The following CFAP221 variants were observed in gnomAD, a reference collection of about 807,000 sequenced individuals.
The protein encoded by CFAP221 is cilia- and flagella-associated protein 221.
In CFAP221, 97 loss-of-function variants were observed where a neutral mutation model predicts 113.1. The ratio of observed to expected loss-of-function variants is 0.86; its 90% CI spans 0.73 to 1.02. The LOEUF (loss-of-function observed/expected upper bound fraction) is 1.02. Ranked by LOEUF, CFAP221 falls within the 50% of genes least tolerant of loss-of-function variation. The pLI is 0.00. For synonymous variants in CFAP221, 331 were observed against 354.4 expected (o/e 0.93, Z 0.74); for missense variants, 1,025 against 1,013.4 (o/e 1.01, Z -0.16).
intron 6 of CFAP221, among the ~76,000 whole-genome samples, chr2:119,565,940 G>A (rs1045552561): frequency 9.2e-5 from 14 of 152,166 alleles, no homozygotes; most frequent in African/African-American, 2.7e-4. Flanking sequence ...TCATTCAGTC[G>A]GTTAACAAAC....
At chr2:119,607,041 C>A (rs899656205) in intron 11 of CFAP221, among the ~76,000 whole-genome samples, 5 of 152,178 alleles carry the variant, frequency 3.3e-5, no homozygotes, top group African/African-American at 1.2e-4. Flanking sequence ...ATAATCACTT[C>A]CAAGAGATTT....
At chr2:119,570,677 A>G (rs758625025) in intron 6 of CFAP221, among the ~76,000 whole-genome samples, 52 of 152,250 alleles carry the variant, frequency 3.4e-4, no homozygotes, top group Non-Finnish European at 5.9e-4. Flanking sequence ...TTCAAAGGCC[A>G]TCAACTTGTA....
At chr2:119,547,443 C>T (rs1163782247) in intron 2 of CFAP221, among the ~76,000 whole-genome samples, 2 of 152,060 alleles carry the variant, frequency 1.3e-5, no homozygotes, top group African/African-American at 4.8e-5. Flanking sequence ...CCTGTAATCT[C>T]AGCTACTTGG....
chr2:119,605,217 A>G lies in CFAP221; in HGVS notation c.1061A>G (p.Gln354Arg), dbSNP rs376003657. The G allele has an allele frequency of 8.3e-5, 134 of 1,614,118 alleles. No homozygotes were observed. The highest frequency in any genetic ancestry group is 1.1e-4 in the Non-Finnish European group (132 of 1,180,034). The change falls in exon 11 of 24, where the codon CAG becomes CGG. Residue 354 changes from glutamine (Q) to arginine (R), a missense_variant. Gln to Arg is a conservative substitution (Grantham distance 43). Transcript: ENST00000413369. ...GGCACTGAAATTTCAAAAACGAGAC[A>G]GATGAAGGAGGCACTCTTTGAACAG... is the stretch of plus-strand genomic sequence containing the variant. ...DQGTEISKTR[Q>R]MKEALFEQKV...
intron 7 of CFAP221, among the ~76,000 whole-genome samples, chr2:119,591,745 A>G (rs1683613971): frequency 6.6e-6 from 1 of 152,184 alleles, no homozygotes; most frequent in African/African-American, 2.4e-5. Flanking sequence ...AAGAAGTCAG[A>G]TGGTTTGGCT....
chr2:119,546,029 G>C, intron 1 of CFAP221, 56 bp from the exon 2 acceptor site: 4 of 1,274,156 alleles, frequency 3.1e-6, no homozygotes, highest in Non-Finnish European at 4.2e-6. Flanking sequence ...CAAAGAAAGA[G>C]AAAAAATGTG....
chr2:119,553,722 G>T (rs904689666), intron 3 of CFAP221, among the ~76,000 whole-genome samples: 3 of 152,164 alleles, frequency 2.0e-5, no homozygotes, highest in African/African-American at 7.2e-5. Flanking sequence ...TTCGTGGGGA[G>T]CAAGGGAGTA....
In CFAP221 at chr2:119,656,468, T is replaced by A. The variant is rs1247058089; in HGVS notation, c.2521T>A (p.Ter841ArgextTer35). 1 of 1,611,664 alleles carries A rather than the reference T, an allele frequency of 6.2e-7. No homozygotes were observed. Among genetic ancestry groups the A allele is most frequent in the Admixed American group, 1.7e-5 (1 of 60,008 alleles). The change falls in exon 24 of 24, where the codon TGA (stop) becomes AGA (arginine). Residue 841 changes from the stop codon to arginine, a stop_lost. Transcript: ENST00000413369. ...ACTCAACACATACCTGATTCTAGAATGAAAGTCACCAGTAGGTCAGTCCCT... is the reference window on the plus strand; with the variant it reads ...ACTCAACACATACCTGATTCTAGAAAGAAAGTCACCAGTAGGTCAGTCCCT... ...KALNTYLILE[*>R] is the part of the protein sequence containing the mutation.
rs1390957017 is a variant in CFAP221, at chr2:119,587,199, C to T, written c.608C>T (p.Ala203Val). 3.9e-6 allele frequency: 6 copies of T among 1,530,022 alleles called. No homozygotes were observed. In the East Asian group the frequency reaches 1.5e-4, roughly 38 times the overall value. The allele number at this position is 1,530,022 out of a possible 1,614,324, so 94.8% of individuals were successfully genotyped here. A position where few individuals can be genotyped will look rare whatever the true frequency, so the allele number is the denominator to read the frequency against. The change falls in exon 7 of 24, where the codon GCC becomes GTC. Residue 203 changes from alanine to valine, a missense_variant. Physicochemically the swap from Ala to Val is moderately conservative, Grantham distance 64. Transcript: ENST00000413369. ...ATCACCTTGATTCAGTCTCATCAAG[C>T]CTTTGCTATTGAGCCAACATCAGGT... ...FYITLIQSHQ[A>V]FAIEPTSGII...
At chr2:119,573,870 C>T (rs147955807) in intron 6 of CFAP221, among the ~76,000 whole-genome samples, 2 of 152,270 alleles carry the variant, frequency 1.3e-5, no homozygotes, top group South Asian at 2.1e-4. Context: ...AATCATCCAA[C>T]CTCTAAACTA....
chr2:119,583,828 A>G (rs1683016468), intron 6 of CFAP221, among the ~76,000 whole-genome samples: 1 of 152,202 alleles, frequency 6.6e-6, no homozygotes, highest in Non-Finnish European at 1.5e-5. Flanking sequence ...AGCCCCTTCC[A>G]TTATGCGAAG....
At chr2:119,552,158 CTTTTTTTTTTT>C (rs772767971) in intron 3 of CFAP221, among the ~76,000 whole-genome samples, 1 of 96,564 alleles carries the variant, frequency 1.0e-5, no homozygotes, top group Non-Finnish European at 2.2e-5. Flanking sequence ...TAAAACTGGC[CTTTTTTTTTTT>C]TTTTTTTTTG....
At chr2:119,588,439 A>G (rs1415601256) in intron 7 of CFAP221, among the ~76,000 whole-genome samples, 1 of 152,236 alleles carries the variant, frequency 6.6e-6, no homozygotes, top group Admixed American at 6.5e-5. Context: ...GCCTAGCCAT[A>G]CTTCTCTAAA....
At chr2:119,561,962 A>G in intron 5 of CFAP221, 52 bp from the exon 6 acceptor site, 1 of 1,187,492 alleles carries the variant, frequency 8.4e-7, no homozygotes, top group Non-Finnish European at 1.2e-6. Context: ...AAGTTTGTCT[A>G]AAAGTTGTAG....
At chr2:119,654,329 TGC>T (rs1187965938) in intron 23 of CFAP221, among the ~76,000 whole-genome samples, 1 of 152,216 alleles carries the variant, frequency 6.6e-6, no homozygotes, top group Non-Finnish European at 1.5e-5. Context: ...TAAAACCTCT[TGC>T]ACCTCAACAC....
At position 119,611,760 on chromosome 2, in the gene CFAP221, A is replaced by G. The variant is rs781021432; in HGVS notation, c.1311+18A>G. The G allele has an allele frequency of 1.3e-6, 2 of 1,574,246 alleles. No individual in the cohort carries two copies. The highest frequency in any genetic ancestry group is 1.7e-6 in the Non-Finnish European group (2 of 1,147,318). ...AAGAAGAGGTGGGTAACTTTCCTTT[A>G]TTTAGAATCTGATTATTGGCAGCTC... is the stretch of plus-strand genomic sequence containing the variant. On this transcript the variant is annotated intron_variant, in intron 13 of 23. Coordinates refer to ENST00000413369, the MANE Select transcript of CFAP221 (RefSeq NM_001271049.2).
intron 7 of CFAP221, among the ~76,000 whole-genome samples, chr2:119,600,898 A>T (rs978046615): frequency 6.6e-6 from 1 of 152,208 alleles, no homozygotes; most frequent in Non-Finnish European, 1.5e-5. Flanking sequence ...CTTCCACTTA[A>T]TGAATAACAA....
chr2:119,659,833 C>G (rs577999457), downstream of CFAP221, among the ~76,000 whole-genome samples: 1 of 152,342 alleles, frequency 6.6e-6, no homozygotes, highest in Admixed American at 6.5e-5. Context: ...CCTGTACTGA[C>G]CTCTGAGGCA....
At chr2:119,623,710 G>A (rs1180298726) in intron 14 of CFAP221, among the ~76,000 whole-genome samples, 1 of 152,108 alleles carries the variant, frequency 6.6e-6, no homozygotes, top group Non-Finnish European at 1.5e-5. Flanking sequence ...CAGAAATTAT[G>A]CCACACATCT....
Sources: allele counts gnomAD v4.1 joint callset (sites outside exome capture counted in the v4.1 genomes callset), GRCh38; gene constraint gnomAD v4.1.1; transcripts MANE v1.5; gene names NCBI Gene and HGNC (gene_info 2026-07-23, HGNC 2026-07-21).